The following TRIM27 variants were observed in gnomAD, a reference collection of about 807,000 sequenced individuals.
The protein encoded by TRIM27 is zinc finger protein RFP.
TRIM27 carries 12 observed loss-of-function variants against 57.6 expected under a neutral mutation model. The observed-to-expected ratio is 0.21, with a 90% CI of 0.13 to 0.34. The LOEUF (loss-of-function observed/expected upper bound fraction) is 0.34. TRIM27 is among the 10% of genes least tolerant of loss of function. TRIM27 has a pLI of 1.00. For missense variants in TRIM27, 403 were observed against 656.8 expected (o/e 0.61, Z 4.22); for synonymous variants, 266 against 259.0 (o/e 1.03, Z -0.26).
Position 28,907,660 on chromosome 6 carries a change from C to CA in TRIM27, c.920-399dup, listed in dbSNP as rs1332977912. 4.5e-5 allele frequency: 23 copies of CA among 508,078 alleles called. No homozygotes were observed. In the Admixed American group the frequency reaches 5.1e-4, roughly 11 times the overall value. 31.5% of individuals were successfully genotyped at this position (508,078 alleles called of 1,614,324 possible). On this transcript the variant is annotated intron_variant, in intron 6 of 7. Coordinates refer to ENST00000377199, the MANE Select transcript of TRIM27 (RefSeq NM_006510.5). ...AGAGCTGAATGGCTCAAGTGACACT[C>CA]ACTGACACTCTGGGGTAAACATGAC...
chr6:28,922,067 G>A, intron 1 of TRIM27, 80 bp from the exon 2 acceptor site: 1 of 1,058,908 alleles, frequency 9.4e-7, no homozygotes, highest in Non-Finnish European at 1.5e-6. Context: ...CACACATGGA[G>A]TCCACACACC....
At chr6:28,923,150 C>G (rs1774180360) in intron 1 of TRIM27, 63 bp downstream of exon 1, 15 of 1,461,210 alleles carry the variant, frequency 1.0e-5, no homozygotes, top group Non-Finnish European at 1.4e-5. Flanking sequence ...AAAGGAAGCC[C>G]CTTTGGCTCT....
rs922664045 is a variant in TRIM27 at position 28,923,975 on chromosome 6, G to A, written c.-343C>T. 3.0e-6 allele frequency: 1 copy of A among 336,010 alleles called. No homozygotes were observed. The allele number at this position is 336,010 out of a possible 1,614,324, so 20.8% of individuals were successfully genotyped here. On this transcript the variant is annotated 5_prime_UTR_variant, in exon 1 of 8. Coordinates refer to ENST00000377199, the MANE Select transcript of TRIM27 (RefSeq NM_006510.5). Reference sequence around the variant, plus strand: ...ACGTGGCCGCGTCCGAGCGGATGCCGGCGGCAGCGTAAACCCCACCCCAGC... The same window carrying A: ...ACGTGGCCGCGTCCGAGCGGATGCCAGCGGCAGCGTAAACCCCACCCCAGC...
intron 3 of TRIM27, 147 bp from the exon 4 acceptor site, chr6:28,911,865 TGAG>T: frequency 1.3e-6 from 1 of 756,034 alleles, no homozygotes; most frequent in South Asian, 1.8e-5. Flanking sequence ...AACTCAGTGT[TGAG>T]GAGCTAAAAG....
chr6:28,921,254 G>A (rs755819448), intron 2 of TRIM27, among the ~76,000 whole-genome samples: 5 of 152,038 alleles, frequency 3.3e-5, no homozygotes, highest in Admixed American at 6.6e-5. Flanking sequence ...GTTGGCGTAC[G>A]CCTGTAGCCT....
intron 1 of TRIM27, 41 bp from the exon 2 acceptor site, chr6:28,922,028 G>T: frequency 7.0e-7 from 1 of 1,430,020 alleles, no homozygotes; most frequent in Non-Finnish European, 9.9e-7. Flanking sequence ...AAATTAGGTA[G>T]ACCTTAGCAT....
intron 3 of TRIM27, among the ~76,000 whole-genome samples, chr6:28,914,324 G>A (rs6906954): frequency 0.026 from 3,880 of 151,438 alleles, 145 homozygotes; most frequent in African/African-American, 0.084. Context: ...TAATAGCGAC[G>A]GGGTTTTGCC....
chr6:28,911,610 G>A (rs1773216241), intron 4 of TRIM27, 86 bp downstream of exon 4: 1 of 1,379,578 alleles, frequency 7.2e-7, no homozygotes, highest in Non-Finnish European at 1.0e-6. Context: ...CCATCCTCAG[G>A]CTCAGGGCTC....
In TRIM27 at chr6:28,907,317, A is replaced by G. The variant is rs1254766726; in HGVS notation, c.920-55T>C. ...AGTCATGAGGGTTTCCAGGAAATAC[A>G]TAACTAAGGGGGCTTTGGTTAGTCA... On this transcript the variant is annotated intron_variant, in intron 6 of 7. Coordinates refer to ENST00000377199, the MANE Select transcript of TRIM27 (RefSeq NM_006510.5). 17 of 1,565,400 alleles carry G rather than the reference A, an allele frequency of 1.1e-5. No individual in the cohort carries two copies. The East Asian group carries it at 2.2e-4, about 21-fold the overall frequency.
chr6:28,906,356 A>G (rs1772770311), intron 7 of TRIM27: 1 of 152,208 alleles, frequency 6.6e-6, no homozygotes. Flanking sequence ...TTACTCCCAC[A>G]AAAGACAGGC....
At chr6:28,911,355 A>T in intron 4 of TRIM27, 1 of 244,276 alleles carries the variant, frequency 4.1e-6, no homozygotes, top group Non-Finnish European at 7.7e-6. Flanking sequence ...AAAAAATGAG[A>T]TAATGAAGGG....
intron 1 of TRIM27, among the ~76,000 whole-genome samples, chr6:28,922,979 T>C (rs1438738443): frequency 6.6e-6 from 1 of 151,996 alleles, no homozygotes; most frequent in Non-Finnish European, 1.5e-5. Context: ...ACAGGTAACA[T>C]GGGGGTAAAC....
Position 28,923,733 on chromosome 6 carries a change from C to T in TRIM27, c.-101G>A, listed in dbSNP as rs1476822541. Reference sequence around the variant, plus strand: ...TCTCCGGTTCGCTGTTCCTGAGAGGCACCGGGCGGACGGAGGGCGGCGCCT... The same window carrying T: ...TCTCCGGTTCGCTGTTCCTGAGAGGTACCGGGCGGACGGAGGGCGGCGCCT... On this transcript the variant is annotated 5_prime_UTR_variant, in exon 1 of 8. Coordinates refer to ENST00000377199, the MANE Select transcript of TRIM27 (RefSeq NM_006510.5). 9 of 1,321,670 alleles carry T rather than the reference C, an allele frequency of 6.8e-6. No homozygotes were observed. The highest frequency in any genetic ancestry group is 9.0e-6 in the Non-Finnish European group (9 of 995,766). 81.9% of individuals were successfully genotyped at this position (1,321,670 alleles called of 1,614,324 possible).
Position 28,904,977 on chromosome 6 carries a change from G to T in TRIM27, c.947-312C>A, listed in dbSNP as rs1772656032. ...GCCTAGGCTGGAGCGCAGTGGTGTG[G>T]TCATAGTTCATTGTAACCCCAAACT... On this transcript the variant is annotated intron_variant, in intron 7 of 7. Coordinates refer to ENST00000377199, the MANE Select transcript of TRIM27 (RefSeq NM_006510.5). The surrounding 1 kb of genome is among the most constrained non-coding windows in gnomAD (Gnocchi z 6.1). The T allele has an allele frequency of 5.8e-6, 2 of 343,288 alleles. No individual in the cohort carries two copies. Among genetic ancestry groups the T allele is most frequent in the East Asian group, 4.6e-5 (1 of 21,524 alleles). The allele number at this position is 343,288 out of a possible 1,614,324, so 21.3% of individuals were successfully genotyped here.
intron 3 of TRIM27, among the ~76,000 whole-genome samples, chr6:28,919,692 A>C (rs1421802980): frequency 6.6e-6 from 1 of 152,206 alleles, no homozygotes; most frequent in Non-Finnish European, 1.5e-5. Flanking sequence ...CTCATTACTG[A>C]ACAAATGAGG....
intron 1 of TRIM27, 125 bp from the exon 2 acceptor site, chr6:28,922,112 G>A: frequency 1.5e-6 from 1 of 682,602 alleles, no homozygotes; most frequent in Admixed American, 2.3e-5. Context: ...TTGTCCTTAG[G>A]CCACACTGCC....
Position 28,923,389 on chromosome 6 carries a change from G to T in TRIM27, c.244C>A (p.Arg82Ser), listed in dbSNP as rs772792258. Residue 82 changes from arginine (R) to serine (S), a missense_variant, in exon 1 of 8, where the codon CGC (arginine) becomes AGC (serine). By Grantham distance (110) the Arg-to-Ser change is moderately radical. Transcript: ENST00000377199. ...ANVTQLVKQL[R>S]TERPSGPGGE... ...CCGGGCCCCGACGGCCGCTCGGTGC[G>T]CAGCTGCTTTACCAGTTGGGTCACG... 6.2e-7 allele frequency: 1 copy of T among 1,612,120 alleles called. No homozygotes were observed. Among genetic ancestry groups the T allele is most frequent in the African/African-American group, 1.3e-5 (1 of 74,914 alleles).
At chr6:28,913,599 CA>C (rs769529959) in intron 3 of TRIM27, among the ~76,000 whole-genome samples, 1 of 152,046 alleles carries the variant, frequency 6.6e-6, no homozygotes, top group Non-Finnish European at 1.5e-5. Flanking sequence ...GACACTTCGT[CA>C]AAAGTGTATT....
chr6:28,921,644 C>T lies in TRIM27; in HGVS notation c.516+248G>A, dbSNP rs186251284. ...TTTGCCAAGGATCAACCCTGGTCTA[C>T]GCAGTTAGCAGGTTAAAGTAAACTG... On this transcript the variant is annotated intron_variant, in intron 2 of 7. Transcript: ENST00000377199. 9.2e-5 allele frequency among the ~76,000 whole-genome samples: 14 copies of T among 152,294 alleles called. No homozygotes were observed. The East Asian group carries it at 2.5e-3, about 27-fold the overall frequency.
Sources: allele counts gnomAD v4.1 joint callset (sites outside exome capture counted in the v4.1 genomes callset), GRCh38; gene constraint gnomAD v4.1.1; non-coding constraint Gnocchi (gnomAD v3.1); transcripts MANE v1.5; gene names NCBI Gene and HGNC (gene_info 2026-07-23, HGNC 2026-07-21).